The following CDH9 variants were observed in gnomAD, a reference collection of about 807,000 sequenced individuals.
The protein encoded by CDH9 is cadherin 9, also known as cadherin-9.
In CDH9, 28 loss-of-function variants were observed where a neutral mutation model predicts 70.9. That is an observed-to-expected ratio of 0.40 (90% CI 0.29 to 0.54). The LOEUF (loss-of-function observed/expected upper bound fraction) is 0.54, where lower values mean the gene tolerates loss of function less well. Ranked by LOEUF, CDH9 falls within the 20% of genes least tolerant of loss-of-function variation. The pLI, the probability that CDH9 is intolerant of heterozygous loss-of-function variation, is 0.59. For synonymous variants in CDH9, 409 were observed against 343.1 expected, an observed-to-expected ratio of 1.19 and a Z score of -2.12; for missense variants, 874 against 984.4, an observed-to-expected ratio of 0.89 and a Z score of 1.50.
intron 7 of CDH9, among the ~76,000 whole-genome samples, chr5:26,892,330 T>G (rs1348965940): frequency 6.6e-6 from 1 of 152,162 alleles, no homozygotes; most frequent in East Asian, 1.9e-4. Flanking sequence ...CGAATCCTGT[T>G]AAAAACAGAG....
Position 26,890,650 on chromosome 5 carries a change from A to G in CDH9, c.1254-86T>C. ...CTTAAAGCTATAGGTAATTTCCACAATGATCTGACAAAGACATGAAATGCA... is the reference window on the plus strand; with the variant it reads ...CTTAAAGCTATAGGTAATTTCCACAGTGATCTGACAAAGACATGAAATGCA... On this transcript the variant is annotated intron_variant, in intron 7 of 11. Coordinates refer to ENST00000231021, the MANE Select transcript of CDH9 (RefSeq NM_016279.4). 5.5e-6 allele frequency: 5 copies of G among 907,328 alleles called. 1 individual carries two copies. In the South Asian group the frequency reaches 7.6e-5, roughly 14 times the overall value. The allele number at this position is 907,328 out of a possible 1,614,324, so 56.2% of individuals were successfully genotyped here.
chr5:27,011,125 C>A (rs563210860), intron 1 of CDH9, among the ~76,000 whole-genome samples: 1 of 152,116 alleles, frequency 6.6e-6, no homozygotes. Flanking sequence ...GCAATCAAGA[C>A]TATTATCTCT....
At chr5:26,931,873 G>A (rs1741469071) in intron 2 of CDH9, among the ~76,000 whole-genome samples, 1 of 152,036 alleles carries the variant, frequency 6.6e-6, no homozygotes, top group Admixed American at 6.6e-5. Context: ...TCAGAAAATG[G>A]AGAAAAGAAT....
At chr5:26,957,290 T>G (rs1468147230) in intron 2 of CDH9, among the ~76,000 whole-genome samples, 1 of 152,162 alleles carries the variant, frequency 6.6e-6, no homozygotes, top group Non-Finnish European at 1.5e-5. Flanking sequence ...ATGTTATTAT[T>G]GAGAAGCATT....
At chr5:26,945,554 T>G (rs2112040698) in intron 2 of CDH9, among the ~76,000 whole-genome samples, 1 of 152,264 alleles carries the variant, frequency 6.6e-6, no homozygotes, top group Admixed American at 6.5e-5. Flanking sequence ...TCCAATGTTT[T>G]ATGTCACTAT....
intron 2 of CDH9, among the ~76,000 whole-genome samples, chr5:26,951,288 T>G: frequency 7.2e-5 from 1 of 13,920 alleles, no homozygotes; most frequent in Non-Finnish European, 1.8e-4. Flanking sequence ...CAAGACTCTG[T>G]CTCAAAAAAA....
chr5:26,956,064 G>C (rs181620924), intron 2 of CDH9, among the ~76,000 whole-genome samples: 42 of 152,290 alleles, frequency 2.8e-4, no homozygotes, highest in Admixed American at 6.5e-5. Context: ...TGCCCTTGTT[G>C]AGGGGGTTGG....
At position 26,906,855 on chromosome 5, in the gene CDH9, T is replaced by G. The variant is rs763470347; in HGVS notation, c.524-17A>C. ...CAGATGTACCTACATGAAACCCCCA[T>G]CCCCAAACAGAGACATTTACATACT... On this transcript the variant is annotated splice_polypyrimidine_tract_variant and intron_variant, in intron 3 of 11. Coordinates refer to ENST00000231021, the MANE Select transcript of CDH9 (RefSeq NM_016279.4). The G allele has an allele frequency of 5.7e-6, 9 of 1,585,196 alleles. No individual in the cohort carries two copies. The highest frequency in any genetic ancestry group is 7.7e-6 in the Non-Finnish European group (9 of 1,162,480).
Position 26,883,716 on chromosome 5 carries a change from T to C in CDH9, c.1882+1898A>G, listed in dbSNP as rs375050308. 2.7e-4 allele frequency among the ~76,000 whole-genome samples: 41 copies of C among 152,248 alleles called. 1 individual carries two copies. Among genetic ancestry groups the C allele is most frequent in the African/African-American group, 8.9e-4 (37 of 41,574 alleles). On this transcript the variant is annotated intron_variant, in intron 11 of 11. Transcript: ENST00000231021. ...TGTGTAAGCGTATTTCCTTTTTGTC[T>C]TACATGTTTTACTCTAATAAATTTA... is the stretch of plus-strand genomic sequence containing the variant.
chr5:26,881,416 A>C lies in CDH9; in HGVS notation c.2090T>G (p.Ile697Ser), dbSNP rs765413914. The C allele has an allele frequency of 5.0e-6, 8 of 1,613,190 alleles. No homozygotes were observed. In the East Asian group the frequency reaches 1.8e-4, roughly 36 times the overall value. The stretch of plus-strand genomic sequence containing the variant: ...AGGCACAGTCCTCCTTATCTGAAAA[A>C]TAGTTTCAGGCATTACATCCCGTCT... ...KLRRDVMPETIFQIRRTVPLW... is the reference protein window; with the variant it reads ...KLRRDVMPETSFQIRRTVPLW... The change falls in exon 12 of 12, where the codon ATT becomes AGT. Residue 697 changes from isoleucine (I) to serine (S), a missense_variant. By Grantham distance (142) the Ile-to-Ser change is moderately radical. Transcript: ENST00000231021.
intron 7 of CDH9, among the ~76,000 whole-genome samples, chr5:26,894,968 T>C (rs1463746853): frequency 6.6e-5 from 10 of 152,108 alleles, no homozygotes; most frequent in African/African-American, 2.4e-4. Flanking sequence ...ATTTGCTTTA[T>C]ATTTTTATGT....
Position 26,881,367 on chromosome 5 carries a change from T to G in CDH9, c.2139A>C (p.Gln713His), listed in dbSNP as rs372250136. ...CTTTTAATCTTCGATGGATAAAATC[T>G]TGTACATCAATATTTTCCCACAGAG... Reference protein sequence around the residue: ...TVPLWENIDVQDFIHRRLKEN... With the variant: ...TVPLWENIDVHDFIHRRLKEN... The change falls in exon 12 of 12, where the codon CAA becomes CAC. Residue 713 changes from glutamine (Q) to histidine (H), a missense_variant. Transcript: ENST00000231021. 1.1e-4 allele frequency: 170 copies of G among 1,613,580 alleles called. No homozygotes were observed. The highest frequency in any genetic ancestry group is 1.4e-4 in the Non-Finnish European group (166 of 1,179,712).
At chr5:26,956,764 A>G (rs971877892) in intron 2 of CDH9, among the ~76,000 whole-genome samples, 3 of 152,128 alleles carry the variant, frequency 2.0e-5, no homozygotes, top group Non-Finnish European at 2.9e-5. Context: ...TTATTAAGCT[A>G]ATACATCTCT....
At position 26,988,293 on chromosome 5, in the gene CDH9, T is replaced by C. The variant is rs150928683; in HGVS notation, c.41A>G (p.Tyr14Cys). 9.0e-5 allele frequency: 146 copies of C among 1,613,298 alleles called. No individual in the cohort carries two copies. Among genetic ancestry groups the C allele is most frequent in the Non-Finnish European group, 4.3e-5 (51 of 1,179,440 alleles). ...YHYIPLFIWT[Y>C]MFHTVDTILL... ...GATGGTGTCAACTGTATGGAACATA[T>C]AGGTCCAGATGAATAATGGTATATA... is the stretch of plus-strand genomic sequence containing the variant. Residue 14 changes from tyrosine (Y) to cysteine (C), a missense_variant, in exon 2 of 12, where the codon TAT (tyrosine) becomes TGT (cysteine). Physicochemically the swap from Tyr to Cys is radical, Grantham distance 194 (BLOSUM62 -2). Transcript: ENST00000231021.
chr5:26,881,714 G>T, intron 11 of CDH9, 91 bp from the exon 12 acceptor site: 1 of 1,145,842 alleles, frequency 8.7e-7, no homozygotes, highest in Non-Finnish European at 1.2e-6. Flanking sequence ...TGGTGCAGGA[G>T]ATATTAAGAT....
intron 4 of CDH9, among the ~76,000 whole-genome samples, 186 bp from the exon 5 acceptor site, chr5:26,906,312 T>C (rs1740947901): frequency 6.6e-6 from 1 of 152,222 alleles, no homozygotes; most frequent in East Asian, 1.9e-4. Context: ...CCACGGGCTA[T>C]AGTTCATGAA....
chr5:26,994,246 A>G (rs1742629160), intron 1 of CDH9, among the ~76,000 whole-genome samples: 1 of 152,158 alleles, frequency 6.6e-6, no homozygotes, highest in South Asian at 2.1e-4. Context: ...TGATGTTGGA[A>G]TAAGTATAGA....
intron 5 of CDH9, 54 bp from the exon 6 acceptor site, chr5:26,903,878 C>T (rs1227579616): frequency 2.1e-6 from 2 of 953,484 alleles, no homozygotes; most frequent in Non-Finnish European, 3.2e-6. Context: ...AACATTTTTT[C>T]ATTTCCTCTG....
intron 2 of CDH9, among the ~76,000 whole-genome samples, chr5:26,944,525 T>C (rs372143490): frequency 6.6e-6 from 1 of 152,076 alleles, no homozygotes; most frequent in African/African-American, 2.4e-5. Context: ...TAGTGGCACA[T>C]GCCTGTAGTT....
Sources: gnomAD v4.1 joint callset for allele counts (sites outside exome capture counted in the v4.1 genomes callset) on GRCh38, gnomAD v4.1.1 for gene constraint, MANE v1.5 for transcripts, NCBI Gene and HGNC (gene_info 2026-07-23, HGNC 2026-07-21) for gene names.